The following AFF3 variants were observed in gnomAD, a reference collection of about 807,000 sequenced individuals.
The protein encoded by AFF3 is AF4/FMR2 family member 3.
AFF3 carries 32 observed loss-of-function variants against 129.7 expected under a neutral mutation model. The observed-to-expected ratio is 0.25, with a 90% CI of 0.19 to 0.33. AFF3 has a LOEUF of 0.33. Ranked by LOEUF, AFF3 falls within the 10% of genes least tolerant of loss-of-function variation. The pLI is 1.00. For missense variants in AFF3, 1,373 were observed against 1,592.0 expected (o/e 0.86, Z 2.34); for synonymous variants, 644 against 635.4 (o/e 1.01, Z -0.20).
At chr2:99,738,265 C>G (rs1680420779) in intron 10 of AFF3, among the ~76,000 whole-genome samples, 1 of 151,978 alleles carries the variant, frequency 6.6e-6, no homozygotes, top group African/African-American at 2.4e-5. Context: ...TTTCTGCCAC[C>G]TTGACTGGCT....
chr2:99,806,559 G>C lies in AFF3; in HGVS notation c.921+30918C>G, dbSNP rs567573688. On this transcript the variant is annotated intron_variant, in intron 8 of 24. Coordinates refer to ENST00000672756, the MANE Select transcript of AFF3 (RefSeq NM_001386135.1). ...TTGTTTCCTCTGGGGAACCACTCCA[G>C]ACTTGATGGGGGGAAATCCCAGTTG... is the stretch of plus-strand genomic sequence containing the variant. Among the ~76,000 whole-genome samples the C allele has an allele frequency of 4.6e-5, 7 of 152,282 alleles. No homozygotes were observed. In the East Asian group the frequency reaches 1.4e-3, roughly 29 times the overall value.
At chr2:100,024,748 G>A (rs979626323) in intron 4 of AFF3, among the ~76,000 whole-genome samples, 7 of 151,996 alleles carry the variant, frequency 4.6e-5, no homozygotes, top group Non-Finnish European at 7.4e-5. Context: ...TGGATGGAGT[G>A]GATTTAAATG....
intron 11 of AFF3, among the ~76,000 whole-genome samples, chr2:99,679,241 C>G (rs1342852652): frequency 6.6e-6 from 1 of 152,178 alleles, no homozygotes; most frequent in African/African-American, 2.4e-5. Flanking sequence ...CCTTCCTGGA[C>G]TCCCTCCCTC....
chr2:99,781,193 T>C (rs1431192484), intron 8 of AFF3, among the ~76,000 whole-genome samples: 1 of 152,144 alleles, frequency 6.6e-6, no homozygotes. Flanking sequence ...CCCTTCTCCA[T>C]GTCAGCAATG....
chr2:99,579,085 G>A (rs1677265725), intron 17 of AFF3, among the ~76,000 whole-genome samples: 1 of 152,230 alleles, frequency 6.6e-6, no homozygotes, highest in Non-Finnish European at 1.5e-5. Context: ...ACCAGAAGGA[G>A]TCAACAGGAA....
chr2:99,632,982 T>C (rs1683264236), intron 13 of AFF3, among the ~76,000 whole-genome samples: 1 of 152,208 alleles, frequency 6.6e-6, no homozygotes, highest in Admixed American at 6.5e-5. Flanking sequence ...TTATCCTTTA[T>C]CACTCGTCAA....
At chr2:99,809,328 G>A (rs544201016) in intron 8 of AFF3, among the ~76,000 whole-genome samples, 9 of 152,206 alleles carry the variant, frequency 5.9e-5, no homozygotes, top group South Asian at 4.2e-4. Flanking sequence ...CAGGGTCTAC[G>A]GGGCAAGCCC....
Position 99,551,537 on chromosome 2 carries a change from C to G in AFF3, c.3618G>C (p.Glu1206Asp). The change falls in exon 25 of 25, where the codon GAG becomes GAC. Residue 1206 changes from glutamate (E) to aspartate (D), a missense_variant. Transcript: ENST00000672756. ...CCTGTTGGGAGTACTGGACCAGGTG[C>G]TCCATGCTGCTGTGCAGGGTGACCG... ...MGPVTLHSSM[E>D]HLVQYSQQGL... is the part of the protein sequence containing the mutation. 1 of 1,614,186 alleles carries G rather than the reference C, an allele frequency of 6.2e-7. No individual in the cohort carries two copies. The highest frequency in any genetic ancestry group is 8.5e-7 in the Non-Finnish European group (1 of 1,180,042).
At chr2:99,960,292 G>A (rs2104314397) in intron 7 of AFF3, among the ~76,000 whole-genome samples, 1 of 151,876 alleles carries the variant, frequency 6.6e-6, no homozygotes, top group Admixed American at 6.6e-5. Context: ...ATGTTTAATT[G>A]TGTTTAAATA....
chr2:99,972,972 G>T (rs905001428), intron 7 of AFF3, among the ~76,000 whole-genome samples: 1 of 152,184 alleles, frequency 6.6e-6, no homozygotes, highest in Non-Finnish European at 1.5e-5. Context: ...TAAATGGTTA[G>T]GAATAGATGG....
chr2:99,952,130 G>C (rs1054682472), intron 7 of AFF3, among the ~76,000 whole-genome samples: 9 of 152,132 alleles, frequency 5.9e-5, no homozygotes, highest in African/African-American at 2.2e-4. Context: ...CCCAATGTTG[G>C]AGGTGGGGCC....
chr2:100,106,379 A>G (rs764483535), intron 2 of AFF3: 622 of 1,112,544 alleles, frequency 5.6e-4, no homozygotes, highest in Middle Eastern at 1.3e-3. Context: ...TATAGGAAAA[A>G]GTACAGGTGT....
At chr2:99,927,699 A>G (rs1204283043) in intron 7 of AFF3, among the ~76,000 whole-genome samples, 2 of 152,216 alleles carry the variant, frequency 1.3e-5, no homozygotes, top group Non-Finnish European at 2.9e-5. Context: ...TACCTATGTA[A>G]CAAACTTGCC....
At chr2:99,687,832 C>G (rs1675218773) in intron 11 of AFF3, among the ~76,000 whole-genome samples, 1 of 152,128 alleles carries the variant, frequency 6.6e-6, no homozygotes, top group Admixed American at 6.5e-5. Context: ...AATGAATACA[C>G]CTATATTGCT....
chr2:100,093,443 G>A (rs1690032062), intron 4 of AFF3, among the ~76,000 whole-genome samples: 1 of 151,436 alleles, frequency 6.6e-6, no homozygotes, highest in Admixed American at 6.6e-5. Context: ...AGGAATAAAA[G>A]TAAGGAAAAG....
chr2:99,593,301 C>G lies in AFF3; in HGVS notation c.2360G>C (p.Gly787Ala). 1.2e-6 allele frequency: 2 copies of G among 1,614,062 alleles called. No individual in the cohort carries two copies. Among genetic ancestry groups the G allele is most frequent in the Non-Finnish European group, 1.7e-6 (2 of 1,179,992 alleles). ...RIPEHLPQEP[G>A]VLSAPATKDS... ...CTTGGTGGCAGGGGCGCTCAATACC[C>G]CTGGCTCCTGGGGCAGGTGTTCTGG... is the stretch of plus-strand genomic sequence containing the variant. The change falls in exon 15 of 25, where the codon GGG becomes GCG. Residue 787 changes from glycine to alanine, a missense_variant. By Grantham distance (60) the Gly-to-Ala change is moderately conservative. This residue lies in a region of AFF3 where 466 missense variants were observed against 505.0 expected (regional missense o/e 0.92). Transcript: ENST00000672756.
At chr2:99,633,506 T>C (rs961250052) in intron 13 of AFF3, among the ~76,000 whole-genome samples, 10 of 152,118 alleles carry the variant, frequency 6.6e-5, no homozygotes, top group African/African-American at 2.2e-4. Flanking sequence ...CCAGCATGTG[T>C]GCTATAGTTT....
At chr2:99,575,351 C>G (rs993651603) in intron 18 of AFF3, among the ~76,000 whole-genome samples, 9 of 151,752 alleles carry the variant, frequency 5.9e-5, no homozygotes, top group Non-Finnish European at 1.2e-4. Flanking sequence ...CCTCCGCTTC[C>G]TGGGTTCAAG....
At chr2:99,884,483 C>T (rs1285328145) in intron 7 of AFF3, among the ~76,000 whole-genome samples, 1 of 152,184 alleles carries the variant, frequency 6.6e-6, no homozygotes, top group Non-Finnish European at 1.5e-5. Context: ...ACTGCAACCT[C>T]TGCCTATGGG....
Sources: allele counts gnomAD v4.1 joint callset (sites outside exome capture counted in the v4.1 genomes callset), GRCh38; gene constraint gnomAD v4.1.1; regional missense constraint gnomAD v4.1.1; transcripts MANE v1.5; gene names NCBI Gene and HGNC (gene_info 2026-07-23, HGNC 2026-07-21).